Variants in STX5 observed in about 807,000 individuals in gnomAD.
STX5 encodes the protein syntaxin 5, also known as syntaxin-5.
A neutral mutation model predicts 42.9 loss-of-function variants in STX5; 15 were observed. That is an observed-to-expected ratio of 0.35 (90% CI 0.23 to 0.54). STX5 has a LOEUF of 0.54. STX5 is among the 20% of genes least tolerant of loss of function. The pLI is 0.91. For missense variants in STX5, 430 were observed against 455.0 expected (o/e 0.95, Z 0.50); for synonymous variants, 184 against 173.2 (o/e 1.06, Z -0.49).
Position 62,831,208 on chromosome 11 carries a change from C to A in STX5, c.36G>T (p.Thr12=). Residue 12 remains threonine (T), a synonymous_variant, in exon 2 of 11, where the codon ACG becomes ACT. Coordinates refer to ENST00000294179, the MANE Select transcript of STX5 (RefSeq NM_003164.5). ...IPRKRYGSKN[T]DQGVYLGLSK... is the part of the protein sequence containing the mutation. ...AGAGACCCAGGTAGACACCCTGATC[C>A]GTGTTCTTAGACCCGTAGCGTTTCC... The A allele has an allele frequency of 6.4e-7, 1 of 1,565,798 alleles. No homozygotes were observed. The highest frequency in any genetic ancestry group is 2.3e-5 in the East Asian group (1 of 43,306).
At chr11:62,817,166 G>A (rs1390933355) in intron 10 of STX5, among the ~76,000 whole-genome samples, 4 of 151,950 alleles carry the variant, frequency 2.6e-5, no homozygotes, top group Non-Finnish European at 4.4e-5. Context: ...GGCCTCAAGT[G>A]ATCCACCTGC....
At chr11:62,827,081 G>C (rs1178627974) in intron 5 of STX5, 74 bp downstream of exon 5, 2 of 1,432,264 alleles carry the variant, frequency 1.4e-6, no homozygotes, top group Non-Finnish European at 1.9e-6. Flanking sequence ...GGGTCCCCAT[G>C]GCAATGGAAA....
chr11:62,827,275 C>T, intron 4 of STX5, 50 bp from the exon 5 acceptor site: 2 of 1,613,972 alleles, frequency 1.2e-6, no homozygotes, highest in Non-Finnish European at 1.7e-6. Flanking sequence ...GGACAAAGCT[C>T]AGGGAATATA....
Position 62,831,275 on chromosome 11 carries a change from G to T in STX5, c.-19-13C>A. 1.3e-6 allele frequency: 2 copies of T among 1,529,240 alleles called. No individual in the cohort carries two copies. The highest frequency in any genetic ancestry group is 1.8e-6 in the Non-Finnish European group (2 of 1,126,988). 94.7% of individuals were successfully genotyped at this position (1,529,240 alleles called of 1,614,324 possible). On this transcript the variant is annotated splice_polypyrimidine_tract_variant and intron_variant, in intron 1 of 10. Transcript: ENST00000294179. Reference sequence around the variant, plus strand: ...GCATAACCTCGGACTGTTGTGGAGGGGAGAGTGTCATTCCCCAGGCAACTT... The same window carrying T: ...GCATAACCTCGGACTGTTGTGGAGGTGAGAGTGTCATTCCCCAGGCAACTT...
At chr11:62,819,509 A>G (rs989978570) in intron 10 of STX5, among the ~76,000 whole-genome samples, 1 of 151,910 alleles carries the variant, frequency 6.6e-6, no homozygotes, top group African/African-American at 2.4e-5. Flanking sequence ...TTTAAAATAC[A>G]TTTAACTTTT....
At chr11:62,808,725 G>C (rs2134800635) in intron 10 of STX5, among the ~76,000 whole-genome samples, 1 of 152,322 alleles carries the variant, frequency 6.6e-6, no homozygotes, top group South Asian at 2.1e-4. Context: ...ACAATACCAA[G>C]GGATGAGTGT....
In STX5 at chr11:62,807,414, T is replaced by G; in HGVS notation, c.*55A>C. ...CAGGCTCAGTGGCAGCACTGGCCACTTGCCTTCCCAGGAGGGTCCCAAACC... is the reference window on the plus strand; with the variant it reads ...CAGGCTCAGTGGCAGCACTGGCCACGTGCCTTCCCAGGAGGGTCCCAAACC... On this transcript the variant is annotated 3_prime_UTR_variant, in exon 11 of 11. Transcript: ENST00000294179. 1 of 1,590,336 alleles carries G rather than the reference T, an allele frequency of 6.3e-7. No individual in the cohort carries two copies. Among genetic ancestry groups the G allele is most frequent in the Non-Finnish European group, 8.6e-7 (1 of 1,166,126 alleles).
At chr11:62,831,751 C>T (rs1309770112) in intron 1 of STX5, among the ~76,000 whole-genome samples, 1 of 140,406 alleles carries the variant, frequency 7.1e-6, no homozygotes, top group Non-Finnish European at 1.6e-5. Flanking sequence ...TGGAAGACTT[C>T]AACCACTCAT....
intron 10 of STX5, among the ~76,000 whole-genome samples, chr11:62,820,141 C>T (rs916889929): frequency 1.1e-4 from 17 of 151,364 alleles, no homozygotes; most frequent in African/African-American, 3.9e-4. Context: ...GAGGCCGAGG[C>T]GGGCGGATCA....
intron 10 of STX5, among the ~76,000 whole-genome samples, chr11:62,819,221 A>G (rs1216706073): frequency 2.3e-3 from 27 of 11,636 alleles, no homozygotes; most frequent in African/African-American, 7.9e-3. Context: ...ACTCTGTCTG[A>G]AAAAAAAAAA....
chr11:62,819,430 A>C (rs1402308464), intron 10 of STX5, among the ~76,000 whole-genome samples: 1 of 151,916 alleles, frequency 6.6e-6, no homozygotes, highest in Non-Finnish European at 1.5e-5. Flanking sequence ...AGATCTATTC[A>C]AGGAGGAATG....
intron 5 of STX5, among the ~76,000 whole-genome samples, chr11:62,825,743 T>C (rs2084788790): frequency 6.6e-6 from 1 of 152,150 alleles, no homozygotes; most frequent in African/African-American, 2.4e-5. Context: ...AGAGAAGAGC[T>C]ACAAAGAGGC....
In STX5 at chr11:62,812,489, G is replaced by T. The variant is rs1056432022; in HGVS notation, c.909-4861C>A. On this transcript the variant is annotated intron_variant, in intron 10 of 10. Transcript: ENST00000294179. ...TGCAGTGGCGTGTGGCGTGATCTGG[G>T]CTCACTGCAAGCTCCGCCTCCTGGG... 4.0e-5 allele frequency among the ~76,000 whole-genome samples: 6 copies of T among 151,712 alleles called. No homozygotes were observed. In the South Asian group the frequency reaches 1.3e-3, roughly 32 times the overall value.
chr11:62,824,526 G>C lies in STX5; in HGVS notation c.719C>G (p.Ser240Cys). 6.2e-7 allele frequency: 1 copy of C among 1,614,170 alleles called. No individual in the cohort carries two copies. The highest frequency in any genetic ancestry group is 1.1e-5 in the South Asian group (1 of 91,076). ...CATCATGTCGATGGCGACATCCTTG[G>C]AGGCATGGGACTCTGCCCCCAGAAC... is the stretch of plus-strand genomic sequence containing the variant. Reference protein sequence around the residue: ...AVVLGAESHASKDVAIDMMDS... With the variant: ...AVVLGAESHACKDVAIDMMDS... Residue 240 changes from serine (S) to cysteine (C), a missense_variant, in exon 9 of 11, where the codon TCC (serine) becomes TGC (cysteine). Ser to Cys is a moderately radical substitution (Grantham distance 112, BLOSUM62 -1). Transcript: ENST00000294179.
intron 2 of STX5, among the ~76,000 whole-genome samples, 179 bp downstream of exon 2, chr11:62,830,840 C>G (rs1056536440): frequency 1.3e-5 from 2 of 152,184 alleles, no homozygotes; most frequent in African/African-American, 2.4e-5. Flanking sequence ...TAAGTCCTTG[C>G]CCCTAGTTAG....
At chr11:62,809,202 G>A (rs949140804) in intron 10 of STX5, among the ~76,000 whole-genome samples, 1 of 150,740 alleles carries the variant, frequency 6.6e-6, no homozygotes, top group East Asian at 2.0e-4. Flanking sequence ...GCAGGAGAAT[G>A]GCTTGAACCC....
At chr11:62,815,462 CTG>C (rs1044023775) in intron 10 of STX5, among the ~76,000 whole-genome samples, 2 of 101,186 alleles carry the variant, frequency 2.0e-5, no homozygotes, top group Admixed American at 1.7e-4. Context: ...GAGTATCACT[CTG>C]TTGTGACACT....
At position 62,831,198 on chromosome 11, in the gene STX5, C is replaced by A; in HGVS notation, c.46G>T (p.Val16Phe). The change falls in exon 2 of 11, where the codon GTC becomes TTC. Residue 16 changes from valine (V) to phenylalanine (F), a missense_variant. Coordinates refer to ENST00000294179, the MANE Select transcript of STX5 (RefSeq NM_003164.5). ...RYGSKNTDQGVYLGLSKTQVL... is the reference protein window; with the variant it reads ...RYGSKNTDQGFYLGLSKTQVL... ...TGTGTCTTTGAGAGACCCAGGTAGA[C>A]ACCCTGATCCGTGTTCTTAGACCCG... 1 of 1,566,478 alleles carries A rather than the reference C, an allele frequency of 6.4e-7. No homozygotes were observed. The highest frequency in any genetic ancestry group is 1.9e-5 in the Admixed American group (1 of 52,568).
chr11:62,822,058 A>C (rs1464146913), intron 10 of STX5, among the ~76,000 whole-genome samples: 1 of 151,362 alleles, frequency 6.6e-6, no homozygotes, highest in Admixed American at 6.6e-5. Flanking sequence ...TACATGCATA[A>C]ATAAATAAAG....
Sources: gnomAD v4.1 joint callset for allele counts (sites outside exome capture counted in the v4.1 genomes callset) on GRCh38, gnomAD v4.1.1 for gene constraint, MANE v1.5 for transcripts, NCBI Gene and HGNC (gene_info 2026-07-23, HGNC 2026-07-21) for gene names.